The following CYB5R3 variants were observed in gnomAD, a reference collection of about 807,000 sequenced individuals.
The protein encoded by CYB5R3 is NADH-cytochrome b5 reductase 3.
A neutral mutation model predicts 36.5 loss-of-function variants in CYB5R3; 28 were observed. That is an observed-to-expected ratio of 0.77 (90% CI 0.57 to 1.05). CYB5R3 has a LOEUF of 1.05. Ranked by LOEUF, CYB5R3 falls within the 50% of genes least tolerant of loss-of-function variation. CYB5R3 has a pLI of 0.00. For missense variants in CYB5R3, 474 were observed against 408.9 expected (o/e 1.16, Z -1.37); for synonymous variants, 181 against 159.8 (o/e 1.13, Z -1.00).
chr22:42,629,427 C>G (rs1928489423), intron 4 of CYB5R3, among the ~76,000 whole-genome samples: 1 of 152,206 alleles, frequency 6.6e-6, no homozygotes, highest in Non-Finnish European at 1.5e-5. Flanking sequence ...ACCAGCCAAC[C>G]CCACCCATCC....
intron 6 of CYB5R3, 100 bp downstream of exon 6, chr22:42,627,505 C>T: frequency 6.8e-7 from 1 of 1,464,378 alleles, no homozygotes; most frequent in Non-Finnish European, 9.5e-7. Flanking sequence ...GGCCCCTGAC[C>T]TCTGGTAGCT....
chr22:42,627,694 G>C lies in CYB5R3; in HGVS notation c.464-6C>G, dbSNP rs768552053. On this transcript the variant is annotated splice_region_variant and splice_polypyrimidine_tract_variant and intron_variant, in intron 5 of 8. Coordinates refer to ENST00000352397, the MANE Select transcript of CYB5R3 (RefSeq NM_000398.7). ...AGGTCGGATGGCGAACTTCCCTGGG[G>C]AGAGAGAAGGGGTGAGGCCCGGCCA... is the stretch of plus-strand genomic sequence containing the variant. 1.1e-5 allele frequency: 18 copies of C among 1,605,780 alleles called. No individual in the cohort carries two copies. The South Asian group carries it at 1.9e-4, about 17-fold the overall frequency.
Position 42,619,759 on chromosome 22 carries a change from ACCGT to A in CYB5R3, c.*10_*13del. On this transcript the variant is annotated 3_prime_UTR_variant, in exon 9 of 9. Transcript: ENST00000352397. The stretch of plus-strand genomic sequence containing the variant: ...GGTGCGCGGGGCGGGTGGCCGTGTG[ACCGT>A]GCCCGGCCCTCAGAAGACGAAGCAG... The A allele has an allele frequency of 2.6e-6, 4 of 1,561,566 alleles. No individual in the cohort carries two copies. The highest frequency in any genetic ancestry group is 1.7e-6 in the Non-Finnish European group (2 of 1,156,932).
chr22:42,644,293 G>A (rs895072663), intron 1 of CYB5R3: 8 of 667,516 alleles, frequency 1.2e-5, no homozygotes, highest in Non-Finnish European at 1.9e-5. Context: ...CCGGGGGTCC[G>A]AACCAACAGG....
intron 1 of CYB5R3, chr22:42,639,978 A>C: frequency 6.2e-7 from 1 of 1,611,556 alleles, no homozygotes; most frequent in East Asian, 2.2e-5. Flanking sequence ...CATTCTAGCC[A>C]ATGATGCCAC....
In CYB5R3 at chr22:42,621,476, C is replaced by G. The variant is rs1026324072; in HGVS notation, c.734-1531G>C. On this transcript the variant is annotated intron_variant, in intron 8 of 8. Coordinates refer to ENST00000352397, the MANE Select transcript of CYB5R3 (RefSeq NM_000398.7). ...AGTCCTTGGGGCTCTCCTCATCCTT[C>G]GCTTAGCTACGGTACAGCCAGACTG... Among the ~76,000 whole-genome samples, 5 of 152,220 alleles carry G rather than the reference C, an allele frequency of 3.3e-5. No homozygotes were observed. The South Asian group carries it at 1.0e-3, about 31-fold the overall frequency.
chr22:42,645,529 C>G (rs1315569646), intron 1 of CYB5R3, among the ~76,000 whole-genome samples: 1 of 152,160 alleles, frequency 6.6e-6, no homozygotes, highest in African/African-American at 2.4e-5. Context: ...CGTGGCTGAG[C>G]TGGGAGTCAA....
Position 42,627,342 on chromosome 22 carries a change from C to T in CYB5R3, c.595G>A (p.Asp199Asn). ...QVIRAIMKDP[D>N]DHTVCHLLFA... ...AGCAGGTGGCACACAGTGTGGTCAT[C>T]AGGGTCCTTCATGATGGCGCGGATC... The change falls in exon 7 of 9, where the codon GAT (aspartate) becomes AAT (asparagine). Residue 199 changes from aspartate (D) to asparagine (N), a missense_variant. Physicochemically the swap from Asp to Asn is conservative, Grantham distance 23 (BLOSUM62 1). Coordinates refer to ENST00000352397, the MANE Select transcript of CYB5R3 (RefSeq NM_000398.7). The T allele has an allele frequency of 2.5e-6, 4 of 1,614,026 alleles. No homozygotes were observed. Among genetic ancestry groups the T allele is most frequent in the Non-Finnish European group, 3.4e-6 (4 of 1,180,006 alleles).
At chr22:42,624,920 T>C (rs1006105142) in intron 7 of CYB5R3, among the ~76,000 whole-genome samples, 2 of 152,046 alleles carry the variant, frequency 1.3e-5, no homozygotes, top group South Asian at 4.1e-4. Flanking sequence ...AATCACCAGC[T>C]CCTTGGTGCT....
chr22:42,638,820 G>C (rs961194087), intron 1 of CYB5R3, among the ~76,000 whole-genome samples: 4 of 150,922 alleles, frequency 2.7e-5, no homozygotes, highest in African/African-American at 9.8e-5. Context: ...ATCATCTGAG[G>C]TCAGGAGTTC....
chr22:42,627,748 AGGCTGGAGAGGG>A, intron 5 of CYB5R3, 60 bp from the exon 6 acceptor site: 5 of 1,292,734 alleles, frequency 3.9e-6, no homozygotes, highest in South Asian at 1.2e-5. Context: ...GTGGCTGGAG[AGGCTGGAGAGGG>A]GGCTGGAGAA....
In CYB5R3 at chr22:42,619,215, G is replaced by A. The variant is rs1927810678; in HGVS notation, c.*558C>T. On this transcript the variant is annotated 3_prime_UTR_variant, in exon 9 of 9. Coordinates refer to ENST00000352397, the MANE Select transcript of CYB5R3 (RefSeq NM_000398.7). ...CCCTCTTCCCACTCTAGCCAGAGGA[G>A]AGCCAAGCTCCCGGCTGGCCAGGGC... 6.4e-6 allele frequency: 1 copy of A among 156,070 alleles called. No homozygotes were observed. Among genetic ancestry groups the A allele is most frequent in the Admixed American group, 6.2e-5 (1 of 16,238 alleles). 9.7% of individuals were successfully genotyped at this position (156,070 alleles called of 1,614,324 possible).
rs760949398 is a variant in CYB5R3 at position 42,644,526 on chromosome 22, C to G, written c.21+4769G>C. On this transcript the variant is annotated intron_variant, in intron 1 of 8. Coordinates refer to ENST00000352397, the MANE Select transcript of CYB5R3 (RefSeq NM_000398.7). Reference sequence around the variant, plus strand: ...CCTATTCATTCCTCAGAGCCTAGCTCAAACATCAAATCTTCCCTGATGAGC... The same window carrying G: ...CCTATTCATTCCTCAGAGCCTAGCTGAAACATCAAATCTTCCCTGATGAGC... The G allele has an allele frequency of 2.8e-6, 4 of 1,434,448 alleles. No homozygotes were observed. In the African/African-American group the frequency reaches 4.2e-5, roughly 15 times the overall value. 88.9% of individuals were successfully genotyped at this position (1,434,448 alleles called of 1,614,324 possible). A position where few individuals can be genotyped will look rare whatever the true frequency, so the allele number is the denominator to read the frequency against.
At chr22:42,629,184 T>A (rs977297367) in intron 4 of CYB5R3, among the ~76,000 whole-genome samples, 4 of 152,062 alleles carry the variant, frequency 2.6e-5, no homozygotes, top group South Asian at 2.1e-4. Context: ...CCTCATCACC[T>A]CCTCTGTGCT....
At chr22:42,628,682 G>A (rs184848952) in intron 4 of CYB5R3, among the ~76,000 whole-genome samples, 121 of 152,306 alleles carry the variant, frequency 7.9e-4, no homozygotes, top group Non-Finnish European at 1.2e-3. Flanking sequence ...AGTCCCTTCC[G>A]TTTTGTGCTG....
In CYB5R3 at chr22:42,636,818, C is replaced by A; in HGVS notation, c.50G>T (p.Trp17Leu). ...CTTCATGAGCAGACTGTACAGGAAC[C>A]AGACTGGGAAGAGCACCATATGGCC... is the stretch of plus-strand genomic sequence containing the variant. ...TLGHMVLFPVWFLYSLLMKLF... is the reference protein window; with the variant it reads ...TLGHMVLFPVLFLYSLLMKLF... The change falls in exon 2 of 9, where the codon TGG becomes TTG. Residue 17 changes from tryptophan to leucine, a missense_variant. Physicochemically the swap from Trp to Leu is moderately conservative, Grantham distance 61. Transcript: ENST00000352397. 6.2e-7 allele frequency: 1 copy of A among 1,613,916 alleles called. No homozygotes were observed. The highest frequency in any genetic ancestry group is 8.5e-7 in the Non-Finnish European group (1 of 1,180,020).
Position 42,627,285 on chromosome 22 carries a change from C to T in CYB5R3, c.633+19G>A. ...CTCAGGGTAAGCTGAGTTTCCCCAT[C>T]ATGGGGATGCCCACTGACCTGGTTG... On this transcript the variant is annotated intron_variant, in intron 7 of 8. Coordinates refer to ENST00000352397, the MANE Select transcript of CYB5R3 (RefSeq NM_000398.7). 2 of 1,609,980 alleles carry T rather than the reference C, an allele frequency of 1.2e-6. No individual in the cohort carries two copies. Among genetic ancestry groups the T allele is most frequent in the African/African-American group, 1.3e-5 (1 of 74,980 alleles).
At chr22:42,648,144 T>C (rs1399048086) in intron 1 of CYB5R3, among the ~76,000 whole-genome samples, 1 of 151,704 alleles carries the variant, frequency 6.6e-6, no homozygotes, top group African/African-American at 2.4e-5. Flanking sequence ...ATCCCGAAGT[T>C]CTGGGTTGGG....
chr22:42,649,192 G>T, intron 1 of CYB5R3, 103 bp downstream of exon 1: 1 of 440,896 alleles, frequency 2.3e-6, no homozygotes, highest in Non-Finnish European at 3.2e-6. Context: ...GGCCGGGTGC[G>T]GCCCGGGTCC....
Sources: allele counts gnomAD v4.1 joint callset (sites outside exome capture counted in the v4.1 genomes callset), GRCh38; gene constraint gnomAD v4.1.1; transcripts MANE v1.5; gene names NCBI Gene and HGNC (gene_info 2026-07-23, HGNC 2026-07-21).